Variants in TMC5 observed in about 807,000 individuals in gnomAD.
The protein encoded by TMC5 is transmembrane channel like 5, also known as transmembrane channel-like protein 5.
TMC5 carries 86 observed loss-of-function variants against 110.5 expected under a neutral mutation model. The ratio of observed to expected loss-of-function variants is 0.78; its 90% CI spans 0.65 to 0.93. The LOEUF (loss-of-function observed/expected upper bound fraction) is 0.93, where lower values mean the gene tolerates loss of function less well. Ranked by LOEUF, TMC5 falls within the 40% of genes least tolerant of loss-of-function variation. The pLI, the probability that TMC5 is intolerant of heterozygous loss-of-function variation, is 0.00. For missense variants in TMC5, 1,144 were observed against 1,222.8 expected (o/e 0.94, Z 0.96); for synonymous variants, 455 against 439.5 (o/e 1.04, Z -0.44).
rs191906795 is a variant in TMC5, at chr16:19,491,321, G to T, written c.2747+753G>T. ...CACCTTGCCCAAGCTTGCATTGATA[G>T]TTTTTTTGAAGTTACTTAGCCTGGT... On this transcript the variant is annotated intron_variant, in intron 18 of 21. Coordinates refer to ENST00000542583, the MANE Select transcript of TMC5 (RefSeq NM_001261841.2). Among the ~76,000 whole-genome samples the T allele has an allele frequency of 1.3e-3, 192 of 151,994 alleles. 3 individuals carry two copies. Among genetic ancestry groups the T allele is most frequent in the East Asian group, 8.2e-3 (42 of 5,108 alleles).
At chr16:19,489,095 T>C (rs1469708978) in intron 17 of TMC5, among the ~76,000 whole-genome samples, 2 of 152,178 alleles carry the variant, frequency 1.3e-5, no homozygotes, top group Non-Finnish European at 2.9e-5. Context: ...TTCTCTCTCT[T>C]CCTCACCAGT....
chr16:19,467,281 C>T (rs144029671), intron 9 of TMC5, among the ~76,000 whole-genome samples: 2 of 152,220 alleles, frequency 1.3e-5, no homozygotes, highest in East Asian at 1.9e-4. Flanking sequence ...GGCCTGAAGT[C>T]CAAGATCAAG....
intron 13 of TMC5, among the ~76,000 whole-genome samples, chr16:19,477,905 T>C (rs1382425455): frequency 6.6e-6 from 1 of 152,180 alleles, no homozygotes; most frequent in African/African-American, 2.4e-5. Context: ...TTGGACAAAA[T>C]TCTTTTTGAT....
At chr16:19,492,943 A>ATATATATATAT (rs61334845) in intron 19 of TMC5, among the ~76,000 whole-genome samples, 1,919 of 91,842 alleles carry the variant, frequency 0.021, 338 homozygotes, top group Middle Eastern at 0.067. Context: ...TCTCTCTATA[A>ATATATATATAT]GATAAATACT....
Position 19,463,781 on chromosome 16 carries a change from T to C in TMC5, c.1242T>C (p.Tyr414=). The C allele has an allele frequency of 6.2e-7, 1 of 1,613,916 alleles. No individual in the cohort carries two copies. Among genetic ancestry groups the C allele is most frequent in the Non-Finnish European group, 8.5e-7 (1 of 1,179,856 alleles). ...GCTTTGAATCCTGATTCCAGGCTTATCGGAGATCCAAGAACAGCCTGTCGG... is the reference window on the plus strand; with the variant it reads ...GCTTTGAATCCTGATTCCAGGCTTACCGGAGATCCAAGAACAGCCTGTCGG... The part of the protein sequence containing the change: ...IQCLNSISRA[Y]RRSKNSLSEI... The change falls in exon 8 of 22, where the codon TAT becomes TAC. Residue 414 remains tyrosine (Y), a synonymous_variant. Transcript: ENST00000542583.
At chr16:19,461,443 ATG>A (rs1968019462) in intron 6 of TMC5, among the ~76,000 whole-genome samples, 1 of 151,928 alleles carries the variant, frequency 6.6e-6, no homozygotes, top group South Asian at 2.1e-4. Context: ...GTGTGGTGGC[ATG>A]CGCCTGTAAT....
intron 4 of TMC5, among the ~76,000 whole-genome samples, chr16:19,448,312 A>G (rs922725210): frequency 1.3e-5 from 2 of 151,804 alleles, no homozygotes; most frequent in African/African-American, 4.8e-5. Context: ...ACGCACACAC[A>G]CACACACACA....
rs1456610349 is a variant in TMC5, at chr16:19,463,923, T to C, written c.1384T>C (p.Phe462Leu). ...GAGATGGCTTTTGAAGTTCAACATT[T>C]TCTCATTCATCCTGAACTTCAGCTT... ...FLRWLLKFNI[F>L]SFILNFSFII... Residue 462 changes from phenylalanine (F) to leucine (L), a missense_variant, in exon 8 of 22, where the codon TTC becomes CTC. Transcript: ENST00000542583. 9.3e-6 allele frequency: 15 copies of C among 1,614,072 alleles called. No homozygotes were observed. Among genetic ancestry groups the C allele is most frequent in the African/African-American group, 2.7e-5 (2 of 74,926 alleles).
intron 5 of TMC5, among the ~76,000 whole-genome samples, chr16:19,455,956 C>G (rs1040849802): frequency 1.3e-5 from 2 of 152,042 alleles, no homozygotes; most frequent in Non-Finnish European, 2.9e-5. Context: ...GCCTGTAATC[C>G]CAGCACTTTG....
chr16:19,415,354 G>A (rs180723255), upstream of TMC5, among the ~76,000 whole-genome samples: 75 of 152,292 alleles, frequency 4.9e-4, 2 homozygotes, highest in East Asian at 0.014. Flanking sequence ...GTTCTCAGGG[G>A]GAGGCAGTTT....
At chr16:19,442,325 A>ATTT (rs143016414) in intron 3 of TMC5, among the ~76,000 whole-genome samples, 1 of 123,450 alleles carries the variant, frequency 8.1e-6, no homozygotes. Context: ...ACAAAATGTA[A>ATTT]TTTTTTTTTT....
chr16:19,436,273 G>GAAAAAAAAAAAAAAAAAAA (rs750838547), intron 2 of TMC5, among the ~76,000 whole-genome samples: 54 of 107,544 alleles, frequency 5.0e-4, no homozygotes, highest in African/African-American at 1.3e-3. Context: ...GTCTCAAAAA[G>GAAAAAAAAAAAAAAAAAAA]AAAAAAAAAA....
intron 9 of TMC5, 60 bp downstream of exon 9, chr16:19,466,293 A>C: frequency 6.3e-7 from 1 of 1,586,296 alleles, no homozygotes; most frequent in Non-Finnish European, 8.6e-7. Flanking sequence ...GCAAAAATCC[A>C]AGAAATTCAA....
chr16:19,424,605 C>T (rs1236843590), intron 1 of TMC5, among the ~76,000 whole-genome samples: 1 of 152,010 alleles, frequency 6.6e-6, no homozygotes, highest in Non-Finnish European at 1.5e-5. Flanking sequence ...GCCGAGATGG[C>T]GCCATTGCCC....
chr16:19,466,005 G>T, intron 8 of TMC5, 77 bp from the exon 9 acceptor site: 1 of 1,506,482 alleles, frequency 6.6e-7, no homozygotes. Context: ...TTCAGGAGAG[G>T]TCAACTCTCA....
At chr16:19,479,368 C>T (rs1968561165) in intron 13 of TMC5, 63 bp from the exon 14 acceptor site, 2 of 1,222,670 alleles carry the variant, frequency 1.6e-6, no homozygotes, top group Admixed American at 1.7e-5. Flanking sequence ...GAGCCAGGAA[C>T]AGAGGAGAAT....
At chr16:19,478,024 C>T (rs1337303388) in intron 13 of TMC5, among the ~76,000 whole-genome samples, 1 of 152,138 alleles carries the variant, frequency 6.6e-6, no homozygotes, top group Non-Finnish European at 1.5e-5. Flanking sequence ...TGTTTCTGGC[C>T]GTCCTTCACT....
chr16:19,448,173 G>A (rs1026530817), intron 4 of TMC5, among the ~76,000 whole-genome samples: 4 of 142,896 alleles, frequency 2.8e-5, no homozygotes, highest in African/African-American at 1.1e-4. Context: ...AAAAAGAGTG[G>A]ACTAGAGTAA....
intron 12 of TMC5, among the ~76,000 whole-genome samples, chr16:19,476,698 G>A (rs1054990942): frequency 1.3e-5 from 2 of 152,212 alleles, no homozygotes; most frequent in Admixed American, 6.5e-5. Context: ...AAAAGAGAAT[G>A]TATCAGTCAG....
Sources: gnomAD v4.1 joint callset for allele counts (sites outside exome capture counted in the v4.1 genomes callset) on GRCh38, gnomAD v4.1.1 for gene constraint, MANE v1.5 for transcripts, NCBI Gene and HGNC (gene_info 2026-07-23, HGNC 2026-07-21) for gene names.